NCKAP5: variants seen among roughly 807,000 people sequenced by gnomAD.
NCKAP5 encodes the protein nck-associated protein 5.
A neutral mutation model predicts 167.0 loss-of-function variants in NCKAP5; 92 were observed. The observed-to-expected ratio is 0.55, with a 90% CI of 0.47 to 0.66. The LOEUF is 0.66. Among genes scored for constraint, NCKAP5 ranks in the 30% least tolerant of loss-of-function variants. The pLI, the probability that NCKAP5 is intolerant of heterozygous loss-of-function variation, is 0.00. For missense variants in NCKAP5, 2,378 were observed against 2,315.0 expected (o/e 1.03, Z -0.56); for synonymous variants, 891 against 877.4 (o/e 1.02, Z -0.27).
At chr2:133,356,817 A>C (rs1684748715) in intron 3 of NCKAP5, among the ~76,000 whole-genome samples, 1 of 152,220 alleles carries the variant, frequency 6.6e-6, no homozygotes, top group Non-Finnish European at 1.5e-5. Context: ...GGCTAACAAG[A>C]GATATTATAA....
intron 11 of NCKAP5, among the ~76,000 whole-genome samples, chr2:132,804,554 GT>G (rs1199895614): frequency 1.3e-5 from 2 of 151,888 alleles, no homozygotes; most frequent in Non-Finnish European, 2.9e-5. Context: ...AAAAGGATTA[GT>G]TAGTGGAGAA....
chr2:133,582,184 C>A, the NCKAP5 span, among the ~76,000 whole-genome samples: 1 of 152,176 alleles, frequency 6.6e-6, no homozygotes, highest in African/African-American at 2.4e-5. Flanking sequence ...AAAGTGTGGT[C>A]TCTAGACCTG....
chr2:133,421,002 C>G (rs988954323), intron 3 of NCKAP5, among the ~76,000 whole-genome samples: 1 of 152,212 alleles, frequency 6.6e-6, no homozygotes, highest in African/African-American at 2.4e-5. Flanking sequence ...GATACCAACT[C>G]TTCTTTCCTA....
intron 3 of NCKAP5, among the ~76,000 whole-genome samples, chr2:133,436,782 AT>A (rs1189136911): frequency 1.1e-4 from 17 of 152,224 alleles, no homozygotes; most frequent in African/African-American, 3.1e-4. Flanking sequence ...TATATGTATG[AT>A]ACATCACGTG....
At chr2:133,072,689 T>C (rs1219271370) in intron 6 of NCKAP5, among the ~76,000 whole-genome samples, 1 of 152,214 alleles carries the variant, frequency 6.6e-6, no homozygotes, top group Non-Finnish European at 1.5e-5. Context: ...TGAGATACGA[T>C]ACCACATAAA....
chr2:132,856,303 T>C (rs1689461097), intron 11 of NCKAP5, among the ~76,000 whole-genome samples: 1 of 151,792 alleles, frequency 6.6e-6, no homozygotes, highest in Non-Finnish European at 1.5e-5. Flanking sequence ...ATCAGACTCA[T>C]GGATAGATTT....
chr2:133,076,444 T>C (rs1438981500), intron 6 of NCKAP5, among the ~76,000 whole-genome samples: 3 of 152,178 alleles, frequency 2.0e-5, no homozygotes, highest in Non-Finnish European at 4.4e-5. Flanking sequence ...AAATAAATCT[T>C]TTACAATCAC....
rs530137190 is a variant in NCKAP5 at position 133,388,335 on chromosome 2, G to A, written c.70-85225C>T. Among the ~76,000 whole-genome samples, 56 of 152,334 alleles carry A rather than the reference G, an allele frequency of 3.7e-4. 1 individual carries two copies. Among genetic ancestry groups the A allele is most frequent in the African/African-American group, 1.3e-3 (54 of 41,574 alleles). On this transcript the variant is annotated intron_variant, in intron 3 of 19. Transcript: ENST00000409261. ...CAGACTGTTTGCCTGGGTATCAGTAGCGGAGGATGCAGAACAGCAAATATT... is the reference window on the plus strand; with the variant it reads ...CAGACTGTTTGCCTGGGTATCAGTAACGGAGGATGCAGAACAGCAAATATT...
chr2:133,469,257 C>G (rs1428569286), intron 3 of NCKAP5, among the ~76,000 whole-genome samples: 2 of 151,856 alleles, frequency 1.3e-5, no homozygotes, highest in African/African-American at 4.8e-5. Flanking sequence ...TTTTATTTCT[C>G]CTTTGCTTAT....
intron 4 of NCKAP5, among the ~76,000 whole-genome samples, chr2:133,274,146 G>A (rs969860076): frequency 8.6e-5 from 13 of 151,784 alleles, no homozygotes; most frequent in African/African-American, 2.9e-4. Context: ...CACAGAAAAT[G>A]GAAGAGAACC....
At chr2:133,663,158 C>T in the NCKAP5 span, among the ~76,000 whole-genome samples, 8 of 151,270 alleles carry the variant, frequency 5.3e-5, no homozygotes, top group Non-Finnish European at 8.8e-5. Flanking sequence ...CCCAGCTACT[C>T]GGGAGGCTGA....
In NCKAP5 at chr2:132,672,859, T is replaced by C; in HGVS notation, c.*430A>G. ...TAAATGGAGTCTATCTTTATTGCCC[T>C]GTCAGAGAAATAAGCTCTGGTGGGT... On this transcript the variant is annotated 3_prime_UTR_variant, in exon 20 of 20. Transcript: ENST00000409261. 3.7e-6 allele frequency: 2 copies of C among 541,504 alleles called. No individual in the cohort carries two copies. Among genetic ancestry groups the C allele is most frequent in the Non-Finnish European group, 4.7e-6 (2 of 423,666 alleles). The allele number at this position is 541,504 out of a possible 1,614,324, so 33.5% of individuals were successfully genotyped here.
intron 19 of NCKAP5, among the ~76,000 whole-genome samples, chr2:132,720,721 G>A (rs1689833242): frequency 6.6e-6 from 1 of 152,134 alleles, no homozygotes; most frequent in African/African-American, 2.4e-5. Flanking sequence ...GGAAATTCCA[G>A]GGAACCGGCC....
chr2:133,246,226 GA>G (rs746791233), intron 4 of NCKAP5, among the ~76,000 whole-genome samples: 11 of 147,766 alleles, frequency 7.4e-5, no homozygotes, highest in Non-Finnish European at 1.3e-4. Context: ...CACTGAGGAA[GA>G]AAACACTGAA....
chr2:132,845,354 TGAGAA>T (rs1688585498), intron 11 of NCKAP5, among the ~76,000 whole-genome samples: 2 of 152,138 alleles, frequency 1.3e-5, no homozygotes, highest in Non-Finnish European at 2.9e-5. Context: ...ATGCCTTGCT[TGAGAA>T]AATATCCAAT....
intron 3 of NCKAP5, among the ~76,000 whole-genome samples, chr2:133,426,877 A>G (rs1446485065): frequency 6.6e-6 from 1 of 152,214 alleles, no homozygotes; most frequent in Non-Finnish European, 1.5e-5. Context: ...AAAACCACAC[A>G]AAAGTCTATT....
intron 5 of NCKAP5, among the ~76,000 whole-genome samples, chr2:133,136,680 G>A: frequency 6.6e-6 from 1 of 152,198 alleles, no homozygotes; most frequent in East Asian, 1.9e-4. Flanking sequence ...TGGATAATAA[G>A]AGGATCTTAA....
At position 132,981,367 on chromosome 2, in the gene NCKAP5, T is replaced by G. The variant is rs1357731583; in HGVS notation, c.429+12785A>C. ...GCAGGCCAGGCCCTCAACATTGACT[T>G]AAGACATACCAGCCTCAGGTCTGGA... On this transcript the variant is annotated intron_variant, in intron 7 of 19. Transcript: ENST00000409261. Among the ~76,000 whole-genome samples the G allele has an allele frequency of 4.6e-5, 7 of 152,096 alleles. No homozygotes were observed. The South Asian group carries it at 1.5e-3, about 32-fold the overall frequency.
intron 4 of NCKAP5, among the ~76,000 whole-genome samples, chr2:133,282,857 A>G (rs906271670): frequency 1.3e-5 from 2 of 152,178 alleles, no homozygotes; most frequent in African/African-American, 4.8e-5. Context: ...GTTCATTCCT[A>G]CCAGAATTCC....
Sources: gnomAD v4.1 joint callset for allele counts (sites outside exome capture counted in the v4.1 genomes callset) on GRCh38, gnomAD v4.1.1 for gene constraint, MANE v1.5 for transcripts, NCBI Gene and HGNC (gene_info 2026-07-23, HGNC 2026-07-21) for gene names.